Variants in IQGAP2 observed in about 807,000 individuals in gnomAD.
The protein encoded by IQGAP2 is IQ motif containing GTPase activating protein 2, also known as ras GTPase-activating-like protein IQGAP2.
IQGAP2 carries 173 observed loss-of-function variants against 201.3 expected under a neutral mutation model. The ratio of observed to expected loss-of-function variants is 0.86; its 90% confidence interval spans 0.76 to 0.98. The LOEUF (loss-of-function observed/expected upper bound fraction) is 0.98. Among genes scored for constraint, IQGAP2 ranks in the 50% least tolerant of loss-of-function variants. The pLI, the probability that IQGAP2 is intolerant of heterozygous loss-of-function variation, is 0.00. For missense variants in IQGAP2, 1,687 were observed against 1,864.8 expected (o/e 0.90, Z 1.76); for synonymous variants, 675 against 673.9 (o/e 1.00, Z -0.03).
chr5:76,654,391 G>T, intron 19 of IQGAP2, 120 bp downstream of exon 19: 2 of 638,224 alleles, frequency 3.1e-6, no homozygotes, highest in East Asian at 2.8e-5. Flanking sequence ...AAGAAATAAT[G>T]GATCTTAGAA....
chr5:76,482,140 A>T (rs938780261), intron 2 of IQGAP2, among the ~76,000 whole-genome samples: 1 of 152,210 alleles, frequency 6.6e-6, no homozygotes, highest in Non-Finnish European at 1.5e-5. Context: ...CATGGGATGC[A>T]TTCTTTTTCT....
intron 2 of IQGAP2, among the ~76,000 whole-genome samples, chr5:76,543,298 C>G (rs562929540): frequency 2.0e-5 from 3 of 152,238 alleles, no homozygotes; most frequent in African/African-American, 7.2e-5. Context: ...CAAACCTTCG[C>G]ATGACACCCC....
chr5:76,569,079 CCCTT>C (rs1282659444), intron 3 of IQGAP2, among the ~76,000 whole-genome samples: 1 of 152,176 alleles, frequency 6.6e-6, no homozygotes, highest in Admixed American at 6.5e-5. Flanking sequence ...TTTCCTTCTT[CCCTT>C]CCTTCAACTC....
intron 21 of IQGAP2, among the ~76,000 whole-genome samples, chr5:76,662,402 C>T (rs139972294): frequency 3.2e-4 from 49 of 152,334 alleles, no homozygotes; most frequent in Admixed American, 1.6e-3. Flanking sequence ...GCTCACCACC[C>T]CTACCCTCTC....
At position 76,403,748 on chromosome 5, in the gene IQGAP2, G is replaced by T. The variant is rs906779820; in HGVS notation, c.46+157G>T. ...AAAGTTGGGAGCTGGAGTTGCAAAGGGCAGTGAATCGCGTCCCCCCGCTCC... is the reference window on the plus strand; with the variant it reads ...AAAGTTGGGAGCTGGAGTTGCAAAGTGCAGTGAATCGCGTCCCCCCGCTCC... On this transcript the variant is annotated intron_variant, in intron 1 of 35. Coordinates refer to ENST00000274364, the MANE Select transcript of IQGAP2 (RefSeq NM_006633.5). This position sits in a 1 kb window ranked among gnomAD's most constrained non-coding sequence, Gnocchi z 4.8. Among the ~76,000 whole-genome samples, 1 of 152,156 alleles carries T rather than the reference G, an allele frequency of 6.6e-6. No individual in the cohort carries two copies. The highest frequency in any genetic ancestry group is 6.5e-5 in the Admixed American group (1 of 15,282).
chr5:76,507,962 C>T (rs1162370116), intron 2 of IQGAP2, among the ~76,000 whole-genome samples: 7 of 144,686 alleles, frequency 4.8e-5, no homozygotes, highest in African/African-American at 1.8e-4. Context: ...AAGATCGCGC[C>T]ACTGCACCCC....
Position 76,475,915 on chromosome 5 carries a change from G to A in IQGAP2, c.146+14246G>A, listed in dbSNP as rs4639192. 2.6e-3 allele frequency among the ~76,000 whole-genome samples: 395 copies of A among 152,270 alleles called. 3 individuals are homozygous for A. Among genetic ancestry groups the A allele is most frequent in the African/African-American group, 9.1e-3 (377 of 41,552 alleles). ...AACAGGGACTCCAGGGTGTTCATGA[G>A]AGTATTGCTGAAATTGGGTTCTTGA... is the stretch of plus-strand genomic sequence containing the variant. On this transcript the variant is annotated intron_variant, in intron 2 of 35. Coordinates refer to ENST00000274364, the MANE Select transcript of IQGAP2 (RefSeq NM_006633.5).
At chr5:76,643,390 A>G (rs1751749007) in intron 17 of IQGAP2, among the ~76,000 whole-genome samples, 2 of 152,230 alleles carry the variant, frequency 1.3e-5, no homozygotes, top group African/African-American at 4.8e-5. Context: ...AGATGACTAA[A>G]AACACACTTT....
At chr5:76,447,214 A>G (rs1015164529) in intron 1 of IQGAP2, among the ~76,000 whole-genome samples, 3 of 152,218 alleles carry the variant, frequency 2.0e-5, no homozygotes, top group Non-Finnish European at 2.9e-5. Flanking sequence ...CTAGCTGGGA[A>G]GGTGACCACA....
At chr5:76,521,336 A>G (rs1007424065) in intron 2 of IQGAP2, among the ~76,000 whole-genome samples, 1 of 152,198 alleles carries the variant, frequency 6.6e-6, no homozygotes, top group Admixed American at 6.5e-5. Context: ...ATAAGTGACA[A>G]CAGACCAGAG....
intron 28 of IQGAP2, among the ~76,000 whole-genome samples, chr5:76,678,319 C>T (rs754015833): frequency 1.5e-4 from 23 of 151,874 alleles, no homozygotes; most frequent in Non-Finnish European, 2.5e-4. Flanking sequence ...ACATCACTGC[C>T]GTCAGCCATT....
chr5:76,608,948 G>C, intron 12 of IQGAP2: 1 of 679,198 alleles, frequency 1.5e-6, no homozygotes. Context: ...TTGATGTAAA[G>C]AAGTGGACCG....
intron 33 of IQGAP2, among the ~76,000 whole-genome samples, chr5:76,700,400 G>A (rs1443962933): frequency 6.6e-6 from 1 of 152,166 alleles, no homozygotes; most frequent in Non-Finnish European, 1.5e-5. Context: ...CCAGCTGGAG[G>A]TTGAGGCAGG....
At chr5:76,665,842 C>T (rs1554082761) in intron 22 of IQGAP2, among the ~76,000 whole-genome samples, 1 of 152,178 alleles carries the variant, frequency 6.6e-6, no homozygotes, top group Non-Finnish European at 1.5e-5. Context: ...GCCCTACTAG[C>T]ACATACAGCT....
chr5:76,639,777 A>G (rs1751423139), intron 16 of IQGAP2, among the ~76,000 whole-genome samples: 1 of 152,208 alleles, frequency 6.6e-6, no homozygotes, highest in Admixed American at 6.5e-5. Context: ...ACTTAATGAC[A>G]AGAAGATAGT....
intron 23 of IQGAP2, among the ~76,000 whole-genome samples, chr5:76,670,471 G>A (rs776487838): frequency 3.9e-5 from 6 of 152,120 alleles, no homozygotes; most frequent in African/African-American, 9.7e-5. Context: ...CTGAGATCGC[G>A]CCACTGCACT....
intron 2 of IQGAP2, among the ~76,000 whole-genome samples, chr5:76,511,691 T>TG (rs969855598): frequency 7.6e-5 from 11 of 144,092 alleles, no homozygotes; most frequent in Middle Eastern, 6.9e-3. Flanking sequence ...GTTTTGTTTT[T>TG]TTTTTTTGAG....
chr5:76,665,205 T>G lies in IQGAP2; in HGVS notation c.2679+30T>G, dbSNP rs771616820. 3.0e-5 allele frequency: 47 copies of G among 1,591,400 alleles called. 1 individual carries two copies. In the South Asian group the frequency reaches 5.1e-4, roughly 17 times the overall value. ...GAACAATTTATCGTTCACTCTGAGTTTGGGAGTAATACTATGTTACATGTT... is the reference window on the plus strand; with the variant it reads ...GAACAATTTATCGTTCACTCTGAGTGTGGGAGTAATACTATGTTACATGTT... On this transcript the variant is annotated intron_variant, in intron 22 of 35. Coordinates refer to ENST00000274364, the MANE Select transcript of IQGAP2 (RefSeq NM_006633.5).
chr5:76,502,307 A>T (rs1245884981), intron 2 of IQGAP2, among the ~76,000 whole-genome samples: 1 of 152,256 alleles, frequency 6.6e-6, no homozygotes, highest in Admixed American at 6.5e-5. Context: ...TATGGCTGTT[A>T]TTAAGTTTAG....
Sources: gnomAD v4.1 joint callset for allele counts (sites outside exome capture counted in the v4.1 genomes callset) on GRCh38, gnomAD v4.1.1 for gene constraint, Gnocchi (gnomAD v3.1) non-coding constraint, MANE v1.5 for transcripts, NCBI Gene and HGNC (gene_info 2026-07-23, HGNC 2026-07-21) for gene names.